Variants in ZNF609 observed in about 807,000 individuals in gnomAD.
ZNF609 encodes zinc finger protein 609.
ZNF609 carries 11 observed loss-of-function variants against 109.5 expected under a neutral mutation model. The ratio of observed to expected loss-of-function variants is 0.10; its 90% confidence interval spans 0.06 to 0.17. ZNF609 has a LOEUF of 0.17. Among genes scored for constraint, ZNF609 ranks in the 10% least tolerant of loss-of-function variants. ZNF609 has a pLI of 1.00. For missense variants in ZNF609, 1,559 were observed against 1,772.4 expected (o/e 0.88, Z 2.16); for synonymous variants, 646 against 662.0 (o/e 0.98, Z 0.37).
chr15:64,606,919 G>A (rs908434171), intron 2 of ZNF609, among the ~76,000 whole-genome samples: 5 of 152,228 alleles, frequency 3.3e-5, no homozygotes, highest in East Asian at 1.9e-4. Flanking sequence ...CGAGGCTGGC[G>A]GATCACCCTG....
At chr15:64,473,174 T>C (rs1175651923) in intron 1 of ZNF609, among the ~76,000 whole-genome samples, 3 of 151,598 alleles carry the variant, frequency 2.0e-5, no homozygotes, top group African/African-American at 7.3e-5. Flanking sequence ...CTTAAAACTT[T>C]TGACTCATAT....
At chr15:64,482,102 A>T (rs1566994771) in intron 1 of ZNF609, among the ~76,000 whole-genome samples, 1 of 152,148 alleles carries the variant, frequency 6.6e-6, no homozygotes, top group African/African-American at 2.4e-5. Flanking sequence ...TTTAAAAAAG[A>T]TATGTTATAA....
chr15:64,555,232 T>C (rs1300429572), intron 2 of ZNF609, among the ~76,000 whole-genome samples: 1 of 151,986 alleles, frequency 6.6e-6, no homozygotes, highest in Non-Finnish European at 1.5e-5. Context: ...CCAGCTGTGG[T>C]GACACATGCC....
chr15:64,612,479 C>T (rs899521213), intron 2 of ZNF609, among the ~76,000 whole-genome samples: 19 of 151,982 alleles, frequency 1.3e-4, no homozygotes, highest in African/African-American at 4.6e-4. Flanking sequence ...TGTTTGAAGA[C>T]TGGTTATGTT....
chr15:64,560,929 A>G (rs1367792684), intron 2 of ZNF609, among the ~76,000 whole-genome samples: 2 of 152,206 alleles, frequency 1.3e-5, no homozygotes, highest in Non-Finnish European at 2.9e-5. Context: ...AATGTCATTA[A>G]TTCTTCTGCT....
At chr15:64,620,966 G>T (rs1266485495) in intron 2 of ZNF609, among the ~76,000 whole-genome samples, 1 of 152,198 alleles carries the variant, frequency 6.6e-6, no homozygotes, top group Non-Finnish European at 1.5e-5. Flanking sequence ...CTATTTAGAA[G>T]CTTGGCTTAC....
chr15:64,653,871 A>T (rs1013000749), intron 3 of ZNF609, among the ~76,000 whole-genome samples: 1 of 152,168 alleles, frequency 6.6e-6, no homozygotes. Context: ...AAAGAGCTAT[A>T]AAAAATTGGT....
upstream of ZNF609, among the ~76,000 whole-genome samples, chr15:64,459,685 G>A (rs1294012621): frequency 6.6e-6 from 1 of 152,164 alleles, no homozygotes; most frequent in African/African-American, 2.4e-5. Context: ...CATAATAGGG[G>A]CTAGGATGTG....
At chr15:64,544,201 G>A (rs752689299) in intron 2 of ZNF609, among the ~76,000 whole-genome samples, 20 of 152,236 alleles carry the variant, frequency 1.3e-4, no homozygotes, top group African/African-American at 2.6e-4. Flanking sequence ...TTAGCCGGGC[G>A]TGGTGGCATG....
chr15:64,629,124 C>T (rs1255134493), intron 3 of ZNF609, among the ~76,000 whole-genome samples: 2 of 152,154 alleles, frequency 1.3e-5, no homozygotes, highest in Non-Finnish European at 2.9e-5. Context: ...TGGTTATTCT[C>T]TCTATTTTGT....
At chr15:64,542,074 A>T (rs1465732811) in intron 2 of ZNF609, among the ~76,000 whole-genome samples, 1 of 152,036 alleles carries the variant, frequency 6.6e-6, no homozygotes, top group Non-Finnish European at 1.5e-5. Context: ...ACTTGATGCC[A>T]GGAGTTTGAG....
At position 64,568,116 on chromosome 15, in the gene ZNF609, A is replaced by G. The variant is rs567610808; in HGVS notation, c.748-54711A>G. 2.6e-5 allele frequency among the ~76,000 whole-genome samples: 4 copies of G among 152,290 alleles called. No homozygotes were observed. The South Asian group carries it at 6.2e-4, about 24-fold the overall frequency. ...TGTGATTGTATTTGTTTTGCTGAAC[A>G]GTTTGGAGGTTTTAAACATTATGAC... On this transcript the variant is annotated intron_variant, in intron 2 of 9. Transcript: ENST00000326648.
chr15:64,526,582 G>A (rs554294297), intron 2 of ZNF609, among the ~76,000 whole-genome samples: 1 of 152,126 alleles, frequency 6.6e-6, no homozygotes, highest in Admixed American at 6.5e-5. Context: ...AATTAACTGT[G>A]GACTTTTTTA....
intron 2 of ZNF609, among the ~76,000 whole-genome samples, chr15:64,608,327 A>G (rs627101): frequency 6.6e-6 from 1 of 151,958 alleles, no homozygotes; most frequent in Non-Finnish European, 1.5e-5. Context: ...GTAATACAGT[A>G]CTCTCATGTA....
chr15:64,572,333 C>CA (rs1894872057), intron 2 of ZNF609, among the ~76,000 whole-genome samples: 1 of 152,090 alleles, frequency 6.6e-6, no homozygotes, highest in African/African-American at 2.4e-5. Context: ...TCATTCTTTA[C>CA]AAAAAATAAA....
intron 2 of ZNF609, among the ~76,000 whole-genome samples, chr15:64,615,082 G>A (rs1225532759): frequency 3.3e-5 from 5 of 152,090 alleles, no homozygotes; most frequent in Admixed American, 2.6e-4. Flanking sequence ...CTCCCAAAGT[G>A]CTGGGATTAC....
chr15:64,580,932 T>C (rs1054343508), intron 2 of ZNF609, among the ~76,000 whole-genome samples: 2 of 148,478 alleles, frequency 1.3e-5, no homozygotes, highest in African/African-American at 4.9e-5. Context: ...TTGACAACTC[T>C]GTTTTCTAGT....
At chr15:64,609,966 C>G (rs570011791) in intron 2 of ZNF609, among the ~76,000 whole-genome samples, 1 of 151,862 alleles carries the variant, frequency 6.6e-6, no homozygotes, top group South Asian at 2.1e-4. Flanking sequence ...AGTCAGAGAT[C>G]AAGCCACTGC....
intron 3 of ZNF609, among the ~76,000 whole-genome samples, chr15:64,649,449 C>G (rs759810208): frequency 6.6e-6 from 1 of 152,082 alleles, no homozygotes; most frequent in Non-Finnish European, 1.5e-5. Flanking sequence ...TTTGGGGAAT[C>G]ACACTGAGTT....
Sources: allele counts gnomAD v4.1 joint callset (sites outside exome capture counted in the v4.1 genomes callset), GRCh38; gene constraint gnomAD v4.1.1; transcripts MANE v1.5; gene names NCBI Gene and HGNC (gene_info 2026-07-23, HGNC 2026-07-21).